The following KCNQ1 variants were observed in gnomAD, a reference collection of about 807,000 sequenced individuals.
The protein encoded by KCNQ1 is potassium voltage-gated channel subfamily Q member 1.
A neutral mutation model predicts 72.4 loss-of-function variants in KCNQ1; 49 were observed. The ratio of observed to expected loss-of-function variants is 0.68; its 90% CI spans 0.54 to 0.86. KCNQ1 has a LOEUF of 0.86. Among genes scored for constraint, KCNQ1 ranks in the 40% least tolerant of loss-of-function variants. KCNQ1 has a pLI of 0.00. For synonymous variants in KCNQ1, 450 were observed against 412.6 expected, an observed-to-expected ratio of 1.09 and a Z score of -1.10; for missense variants, 790 against 945.1, an observed-to-expected ratio of 0.84 and a Z score of 2.15.
rs951541914 is a variant in KCNQ1, at chr11:2,824,774, C to T, written c.1795-22993C>T. Among the ~76,000 whole-genome samples, 4 of 143,604 alleles carry T rather than the reference C, an allele frequency of 2.8e-5. No homozygotes were observed. The highest frequency in any genetic ancestry group is 6.4e-5 in the Non-Finnish European group (4 of 62,832). 94.2% of individuals were successfully genotyped at this position (143,604 alleles called of 152,430 possible). On this transcript the variant is annotated intron_variant, in intron 15 of 15. Transcript: ENST00000155840. This position sits in a 1 kb window ranked among gnomAD's most constrained non-coding sequence, Gnocchi z 5.9. ...CGGGACAGCTTTGAGGAAGGAACGT[C>T]CCCTGGGTTCCACACCACAGAGCCA...
chr11:2,658,540 C>T lies in KCNQ1; in HGVS notation c.1394-3421C>T. On this transcript the variant is annotated intron_variant, in intron 10 of 15. Transcript: ENST00000155840. This position sits in a 1 kb window ranked among gnomAD's most constrained non-coding sequence, Gnocchi z 4.9. ...ATACTTCAGGCTCATCTTTTATTTTCCCTACCCTAGCCCTAGAATCATCCA... is the reference window on the plus strand; with the variant it reads ...ATACTTCAGGCTCATCTTTTATTTTTCCTACCCTAGCCCTAGAATCATCCA... 1 of 396,552 alleles carries T rather than the reference C, an allele frequency of 2.5e-6. No homozygotes were observed. The highest frequency in any genetic ancestry group is 4.4e-6 in the Non-Finnish European group (1 of 225,716). 24.6% of individuals were successfully genotyped at this position (396,552 alleles called of 1,614,324 possible).
At position 2,458,515 on chromosome 11, in the gene KCNQ1, C is replaced by T. The variant is rs551449679; in HGVS notation, c.386+13031C>T. On this transcript the variant is annotated intron_variant, in intron 1 of 15. Transcript: ENST00000155840. The surrounding 1 kb of genome is among the most constrained non-coding windows in gnomAD (Gnocchi z 4.6). ...AGTGCTGCTGAAGTCCTGCCAGGCTCCAGCTCCTGGTGAGGTCAGGGATTC... is the reference window on the plus strand; with the variant it reads ...AGTGCTGCTGAAGTCCTGCCAGGCTTCAGCTCCTGGTGAGGTCAGGGATTC... Among the ~76,000 whole-genome samples the T allele has an allele frequency of 3.9e-5, 6 of 152,336 alleles. No homozygotes were observed. The highest frequency in any genetic ancestry group is 1.9e-4 in the East Asian group (1 of 5,178).
In KCNQ1 at chr11:2,674,389, A is replaced by G. The variant is rs373041940; in HGVS notation, c.1514+12308A>G. The G allele has an allele frequency of 2.5e-4, 39 of 156,900 alleles. No individual in the cohort carries two copies. Among genetic ancestry groups the G allele is most frequent in the East Asian group, 2.3e-3 (14 of 6,148 alleles). 9.7% of individuals were successfully genotyped at this position (156,900 alleles called of 1,614,324 possible). A position where few individuals can be genotyped will look rare whatever the true frequency, so the allele number is the denominator to read the frequency against. On this transcript the variant is annotated intron_variant, in intron 11 of 15. Transcript: ENST00000155840. This position sits in a 1 kb window ranked among gnomAD's most constrained non-coding sequence, Gnocchi z 5.9. ...GCAGCTTCCTGCTTAGGGAAGGTGCATGCGTGCGTGTGTGTGTGCGCGCCC... is the reference window on the plus strand; with the variant it reads ...GCAGCTTCCTGCTTAGGGAAGGTGCGTGCGTGCGTGTGTGTGTGCGCGCCC...
At chr11:2,747,400 C>T (rs1259403489) in intron 11 of KCNQ1, among the ~76,000 whole-genome samples, 1 of 152,156 alleles carries the variant, frequency 6.6e-6, no homozygotes, top group African/African-American at 2.4e-5. Flanking sequence ...GGGGTGGCCC[C>T]GGGAGGGGCT....
intron 15 of KCNQ1, among the ~76,000 whole-genome samples, chr11:2,790,722 C>T (rs1245440591): frequency 4.6e-5 from 7 of 152,210 alleles, no homozygotes; most frequent in Admixed American, 2.0e-4. Flanking sequence ...CGATCGCTCG[C>T]GTGCAAAGGC....
At position 2,657,140 on chromosome 11, in the gene KCNQ1, T is replaced by A; in HGVS notation, c.1394-4821T>A. On this transcript the variant is annotated intron_variant, in intron 10 of 15. Transcript: ENST00000155840. The surrounding 1 kb of genome is among the most constrained non-coding windows in gnomAD (Gnocchi z 4.8). Reference sequence around the variant, plus strand: ...ATGACCACTGCCTTGGAAGAAGTACTGATGTTTGGTACAGCAAGTTCTCCC... The same window carrying A: ...ATGACCACTGCCTTGGAAGAAGTACAGATGTTTGGTACAGCAAGTTCTCCC... The A allele has an allele frequency of 2.5e-6, 1 of 398,654 alleles. No homozygotes were observed. Among genetic ancestry groups the A allele is most frequent in the East Asian group, 3.6e-5 (1 of 28,080 alleles). The allele number at this position is 398,654 out of a possible 1,614,324, so 24.7% of individuals were successfully genotyped here.
intron 1 of KCNQ1, chr11:2,461,785 T>G (rs1846282272): frequency 7.8e-7 from 1 of 1,283,478 alleles, no homozygotes; most frequent in Non-Finnish European, 1.0e-6. Flanking sequence ...TGAATTGTGG[T>G]CAGTTATGGG....
intron 1 of KCNQ1, among the ~76,000 whole-genome samples, chr11:2,460,297 C>T (rs1846256890): frequency 1.3e-5 from 2 of 152,226 alleles, no homozygotes; most frequent in Non-Finnish European, 2.9e-5. Flanking sequence ...CTGCATTTCT[C>T]TGGCTGGACA....
chr11:2,754,229 G>A lies in KCNQ1; in HGVS notation c.1515-14615G>A, dbSNP rs538243700. On this transcript the variant is annotated intron_variant, in intron 11 of 15. Transcript: ENST00000155840. The stretch of plus-strand genomic sequence containing the variant: ...AGCCATGCCATGTATCTGGAGGAGG[G>A]CCCTGGAGGGGTGTGCCCATTGCAT... 3.3e-5 allele frequency among the ~76,000 whole-genome samples: 5 copies of A among 152,364 alleles called. No homozygotes were observed. The South Asian group carries it at 1.0e-3, about 32-fold the overall frequency.
Position 2,725,306 on chromosome 11 carries a change from C to T in KCNQ1, c.1515-43538C>T, listed in dbSNP as rs117249035. On this transcript the variant is annotated intron_variant, in intron 11 of 15. Transcript: ENST00000155840. The surrounding 1 kb of genome is among the most constrained non-coding windows in gnomAD (Gnocchi z 7.2). Reference sequence around the variant, plus strand: ...GTCGGGGGCTCAGCCACGGGACCAGCGCTTGCCAGAAATGTTCCCAGCTTT... The same window carrying T: ...GTCGGGGGCTCAGCCACGGGACCAGTGCTTGCCAGAAATGTTCCCAGCTTT... 7.4e-3 allele frequency among the ~76,000 whole-genome samples: 1,129 copies of T among 152,306 alleles called. 50 individuals are homozygous for T. In the East Asian group the frequency reaches 0.13, roughly 17 times the overall value.
intron 11 of KCNQ1, among the ~76,000 whole-genome samples, chr11:2,754,855 A>G (rs1846275927): frequency 6.6e-6 from 1 of 152,248 alleles, no homozygotes; most frequent in Non-Finnish European, 1.5e-5. Context: ...GGTCAATTCG[A>G]TTTTACAAAA....
At chr11:2,480,035 A>G (rs1846629076) in intron 1 of KCNQ1, among the ~76,000 whole-genome samples, 1 of 152,162 alleles carries the variant, frequency 6.6e-6, no homozygotes, top group South Asian at 2.1e-4. Context: ...ACTTCCCAAA[A>G]AGTTTCTCAT....
intron 10 of KCNQ1, chr11:2,632,411 T>C (rs1413725591): frequency 1.5e-5 from 6 of 398,326 alleles, no homozygotes; most frequent in Non-Finnish European, 2.7e-5. Flanking sequence ...TTTAATATAA[T>C]GGCTAAAATG....
rs1846849420 is a variant in KCNQ1 at position 2,782,989 on chromosome 11, TAAG to T, written c.1794+4957_1794+4959del. ...TGTTCTTTCTCTAACCTCTCTAAAT[TAAG>T]AAGAGGATAATTCTTAATTTTCAGG... On this transcript the variant is annotated intron_variant, in intron 15 of 15. Transcript: ENST00000155840. This position sits in a 1 kb window ranked among gnomAD's most constrained non-coding sequence, Gnocchi z 6.1. Among the ~76,000 whole-genome samples, 1 of 152,158 alleles carries T rather than the reference TAAG, an allele frequency of 6.6e-6. No individual in the cohort carries two copies. The highest frequency in any genetic ancestry group is 1.5e-5 in the Non-Finnish European group (1 of 68,014).
intron 15 of KCNQ1, among the ~76,000 whole-genome samples, chr11:2,806,466 T>C (rs1847376037): frequency 6.6e-6 from 1 of 152,158 alleles, no homozygotes; most frequent in Non-Finnish European, 1.5e-5. Flanking sequence ...GTGCCAGCCA[T>C]GTGGGAGGGT....
In KCNQ1 at chr11:2,447,865, G is replaced by T. The variant is rs906345825; in HGVS notation, c.386+2381G>T. 1.3e-5 allele frequency among the ~76,000 whole-genome samples: 2 copies of T among 152,186 alleles called. No individual in the cohort carries two copies. Among genetic ancestry groups the T allele is most frequent in the Admixed American group, 6.5e-5 (1 of 15,282 alleles). On this transcript the variant is annotated intron_variant, in intron 1 of 15. Transcript: ENST00000155840. This position sits in a 1 kb window ranked among gnomAD's most constrained non-coding sequence, Gnocchi z 7.6. Reference sequence around the variant, plus strand: ...CTACAGGGCTAGGGCGAACTCTCCTGTGTGCGCCTGGGGAAGCCAGCCAGG... The same window carrying T: ...CTACAGGGCTAGGGCGAACTCTCCTTTGTGCGCCTGGGGAAGCCAGCCAGG...
intron 15 of KCNQ1, among the ~76,000 whole-genome samples, chr11:2,797,004 A>AT (rs1378725796): frequency 1.3e-5 from 2 of 152,074 alleles, no homozygotes; most frequent in Admixed American, 6.5e-5. Context: ...GTGGGGAGAG[A>AT]TTTTACAACG....
In KCNQ1 at chr11:2,658,137, C is replaced by T. The variant is rs964321094; in HGVS notation, c.1394-3824C>T. 1 of 398,568 alleles carries T rather than the reference C, an allele frequency of 2.5e-6. No homozygotes were observed. The highest frequency in any genetic ancestry group is 4.4e-6 in the Non-Finnish European group (1 of 226,030). The allele number at this position is 398,568 out of a possible 1,614,324, so 24.7% of individuals were successfully genotyped here. ...AAAAAAATCTGCAAATATGTTAAAACTACCACAGCAATTAAAATACATTTC... is the reference window on the plus strand; with the variant it reads ...AAAAAAATCTGCAAATATGTTAAAATTACCACAGCAATTAAAATACATTTC... On this transcript the variant is annotated intron_variant, in intron 10 of 15. Coordinates refer to ENST00000155840, the MANE Select transcript of KCNQ1 (RefSeq NM_000218.3). This position sits in a 1 kb window ranked among gnomAD's most constrained non-coding sequence, Gnocchi z 4.9.
At chr11:2,504,588 C>T (rs1240257959) in intron 1 of KCNQ1, among the ~76,000 whole-genome samples, 1 of 152,058 alleles carries the variant, frequency 6.6e-6, no homozygotes, top group Non-Finnish European at 1.5e-5. Context: ...AAACCCCCTT[C>T]TCTACAAAAA....
Sources: gnomAD v4.1 joint callset for allele counts (sites outside exome capture counted in the v4.1 genomes callset) on GRCh38, gnomAD v4.1.1 for gene constraint, Gnocchi (gnomAD v3.1) non-coding constraint, MANE v1.5 for transcripts, NCBI Gene and HGNC (gene_info 2026-07-23, HGNC 2026-07-21) for gene names.